Variants in CA2 observed in about 807,000 individuals in gnomAD.
CA2 encodes the protein carbonate dehydratase II.
Under a neutral mutation model 27.8 loss-of-function variants are expected in CA2, and 23 were observed. The observed-to-expected ratio is 0.83, with a 90% CI of 0.59 to 1.17. CA2 has a LOEUF of 1.17. Ranked by LOEUF, CA2 falls within the 50% of genes most tolerant of loss-of-function variation. The probability of loss-of-function intolerance (pLI) is 0.00; values close to 1 mark genes in which losing one functional copy is unlikely to be tolerated. For synonymous variants in CA2, 99 were observed against 114.9 expected, an observed-to-expected ratio of 0.86 and a Z score of 0.88; for missense variants, 300 against 314.7, an observed-to-expected ratio of 0.95 and a Z score of 0.35.
chr8:85,480,630 T>G (rs1333670180), intron 6 of CA2, 40 bp from the exon 7 acceptor site: 4 of 1,588,456 alleles, frequency 2.5e-6, no homozygotes, highest in Non-Finnish European at 3.5e-6. Flanking sequence ...TGAATACCAT[T>G]GTGAAACATT....
intron 2 of CA2, among the ~76,000 whole-genome samples, chr8:85,467,922 A>C (rs1811652612): frequency 6.6e-6 from 1 of 152,228 alleles, no homozygotes; most frequent in Non-Finnish European, 1.5e-5. Flanking sequence ...CTAGTTCTAC[A>C]AAAAAGTCAT....
intron 1 of CA2, 42 bp from the exon 2 acceptor site, chr8:85,465,230 C>G (rs1811608891): frequency 6.6e-7 from 1 of 1,515,394 alleles, no homozygotes; most frequent in Non-Finnish European, 9.2e-7. Flanking sequence ...CTGGGTGTAC[C>G]TTTCCCCACA....
chr8:85,471,103 A>G (rs964800443), intron 2 of CA2, among the ~76,000 whole-genome samples: 1 of 152,136 alleles, frequency 6.6e-6, no homozygotes, highest in Non-Finnish European at 1.5e-5. Flanking sequence ...TTAAACCAAG[A>G]TATTATGTTT....
chr8:85,465,218 G>T (rs572658009), intron 1 of CA2, 54 bp from the exon 2 acceptor site: 3 of 1,413,126 alleles, frequency 2.1e-6, no homozygotes, highest in Non-Finnish European at 3.0e-6. Flanking sequence ...TTCTCTAGGG[G>T]TCTGGGTGTA....
Position 85,465,401 on chromosome 8 carries a change from C to G in CA2, c.164C>G (p.Thr55Ser), listed in dbSNP as rs964579878. 5 of 1,614,228 alleles carry G rather than the reference C, an allele frequency of 3.1e-6. No homozygotes were observed. The South Asian group carries it at 4.4e-5, about 14-fold the overall frequency. Residue 55 changes from threonine to serine, a missense_variant, in exon 2 of 7, where the codon ACT (threonine) becomes AGT (serine). Physicochemically the swap from Thr to Ser is moderately conservative, Grantham distance 58. Around this residue, in one of 3 missense-constraint regions of CA2, gnomAD observed 122 missense variants for 133.2 expected, o/e 0.92. Transcript: ENST00000285379. Reference sequence around the variant, plus strand: ...CTGTCTGTTTCCTATGATCAAGCAACTTCCCTGAGGATCCTCAACAATGGT... The same window carrying G: ...CTGTCTGTTTCCTATGATCAAGCAAGTTCCCTGAGGATCCTCAACAATGGT... ...KPLSVSYDQA[T>S]SLRILNNGHA... is the part of the protein sequence containing the mutation.
chr8:85,466,141 AAAAG>A (rs1326747226), intron 2 of CA2, among the ~76,000 whole-genome samples: 23 of 150,106 alleles, frequency 1.5e-4, no homozygotes, highest in African/African-American at 5.6e-4. Flanking sequence ...AAAAAAAAAA[AAAAG>A]AAAGAGAAAG....
chr8:85,469,188 T>C (rs149815754), intron 2 of CA2, among the ~76,000 whole-genome samples: 311 of 152,322 alleles, frequency 2.0e-3, no homozygotes, highest in African/African-American at 6.9e-3. Context: ...TTAGGAGTTA[T>C]TTTTGTGGTG....
At chr8:85,475,558 T>C (rs532850256) in intron 4 of CA2, among the ~76,000 whole-genome samples, 22 of 152,070 alleles carry the variant, frequency 1.4e-4, no homozygotes, top group African/African-American at 5.1e-4. Context: ...CTGGGGACAA[T>C]TGAGCTGGTG....
intron 2 of CA2, 118 bp from the exon 3 acceptor site, chr8:85,473,575 G>C (rs1214496758): frequency 2.1e-5 from 15 of 704,718 alleles, no homozygotes; most frequent in Middle Eastern, 6.2e-4. Flanking sequence ...ACAGAATTAA[G>C]ATTGTAATAT....
chr8:85,479,121 G>C (rs1811850244), intron 6 of CA2, among the ~76,000 whole-genome samples: 1 of 152,058 alleles, frequency 6.6e-6, no homozygotes, highest in Admixed American at 6.6e-5. Flanking sequence ...GGGGGGGCGT[G>C]GATTTTAGGT....
intron 2 of CA2, among the ~76,000 whole-genome samples, chr8:85,472,047 G>C (rs1811720866): frequency 6.6e-6 from 1 of 152,100 alleles, no homozygotes; most frequent in Non-Finnish European, 1.5e-5. Flanking sequence ...GCCAGAGGTT[G>C]TATCAGGAAC....
intron 2 of CA2, among the ~76,000 whole-genome samples, chr8:85,468,423 T>C (rs931073964): frequency 6.6e-5 from 10 of 152,206 alleles, no homozygotes; most frequent in Non-Finnish European, 1.5e-4. Flanking sequence ...AAAATGTCAA[T>C]ATTAAGAGAA....
chr8:85,477,012 G>T (rs974879277), intron 5 of CA2, 108 bp from the exon 6 acceptor site: 103 of 1,036,278 alleles, frequency 9.9e-5, no homozygotes, highest in Non-Finnish European at 1.5e-4. Context: ...TTTAAAAAGT[G>T]TTTTTGACCA....
At position 85,480,447 on chromosome 8, in the gene CA2, T is replaced by G. The variant is rs7013909; in HGVS notation, c.664-223T>G. On this transcript the variant is annotated intron_variant, in intron 6 of 6. Transcript: ENST00000285379. ...AATTTTTGTGTGTGTGTGTGTGTGT[T>G]TTTTTTTTTGTAGAGACAGGGTTTC... Among the ~76,000 whole-genome samples, 1,092 of 140,952 alleles carry G rather than the reference T, an allele frequency of 7.7e-3. 10 individuals carry two copies. Among genetic ancestry groups the G allele is most frequent in the African/African-American group, 0.026 (873 of 33,664 alleles). The allele number at this position is 140,952 out of a possible 152,430, so 92.5% of individuals were successfully genotyped here.
chr8:85,464,137 C>A (rs370073788), intron 1 of CA2, 22 bp downstream of exon 1: 4 of 1,532,740 alleles, frequency 2.6e-6, no homozygotes, highest in African/African-American at 2.8e-5. Flanking sequence ...CGACGGCCAG[C>A]GCGGGGGCGC....
intron 6 of CA2, 101 bp downstream of exon 6, chr8:85,477,376 C>G: frequency 7.7e-7 from 1 of 1,291,936 alleles, no homozygotes; most frequent in Non-Finnish European, 1.1e-6. Context: ...TAATCCTTCT[C>G]CTGCTACTTC....
At chr8:85,475,750 A>C (rs376306708) in intron 4 of CA2, 48 bp from the exon 5 acceptor site, 7 of 1,541,112 alleles carry the variant, frequency 4.5e-6, no homozygotes, top group Non-Finnish European at 6.3e-6. Context: ...AAAAACTGGT[A>C]CAGTACCAAC....
In CA2 at chr8:85,465,427, C is replaced by T. The variant is rs1488441051; in HGVS notation, c.190C>T (p.His64Tyr). ...TTCCCTGAGGATCCTCAACAATGGT[C>T]ATGCTTTCAACGTGGAGTTTGATGA... ...ATSLRILNNG[H>Y]AFNVEFDDSQ... Residue 64 changes from histidine (H) to tyrosine (Y), a missense_variant, in exon 2 of 7, where the codon CAT (histidine) becomes TAT (tyrosine). This residue lies in a region of CA2 where 122 missense variants were observed against 133.2 expected (regional missense o/e 0.92). Transcript: ENST00000285379. The T allele has an allele frequency of 7.7e-5, 124 of 1,614,052 alleles. No homozygotes were observed. The highest frequency in any genetic ancestry group is 1.0e-4 in the Non-Finnish European group (119 of 1,180,040).
rs768827690 is a variant in CA2 at position 85,474,405 on chromosome 8, A to G, written c.433A>G (p.Ile145Val). Residue 145 changes from isoleucine (I) to valine (V), a missense_variant, in exon 4 of 7, where the codon ATT becomes GTT. Around this residue, in one of 3 missense-constraint regions of CA2, gnomAD observed 173 missense variants for 161.0 expected, o/e 1.07. Transcript: ENST00000285379. ...QQPDGLAVLG[I>V]FLKVGSAKPG... ...ACCTGATGGACTGGCCGTTCTAGGT[A>G]TTTTTTTGAAGGTTAGTTGATGACC... The G allele has an allele frequency of 4.3e-6, 7 of 1,612,596 alleles. No homozygotes were observed. Among genetic ancestry groups the G allele is most frequent in the Admixed American group, 3.3e-5 (2 of 59,970 alleles).
Sources: gnomAD v4.1 joint callset for allele counts (sites outside exome capture counted in the v4.1 genomes callset) on GRCh38, gnomAD v4.1.1 for gene constraint, gnomAD v4.1.1 regional missense constraint, MANE v1.5 for transcripts, NCBI Gene and HGNC (gene_info 2026-07-23, HGNC 2026-07-21) for gene names.